SPAG16: variants seen among roughly 807,000 people sequenced by gnomAD.
SPAG16 encodes the protein sperm-associated antigen 16 protein.
A neutral mutation model predicts 80.4 loss-of-function variants in SPAG16; 86 were observed. The ratio of observed to expected loss-of-function variants is 1.07; its 90% CI spans 0.90 to 1.28. The LOEUF (loss-of-function observed/expected upper bound fraction) is 1.28, where lower values mean the gene tolerates loss of function less well. Ranked by LOEUF, SPAG16 falls within the 50% of genes most tolerant of loss-of-function variation. The pLI is 0.00. For synonymous variants in SPAG16, 294 were observed against 265.9 expected (o/e 1.11, Z -1.03); for missense variants, 870 against 765.3 (o/e 1.14, Z -1.61).
At chr2:214,201,801 T>C (rs2058016507) in intron 15 of SPAG16, among the ~76,000 whole-genome samples, 1 of 152,092 alleles carries the variant, frequency 6.6e-6, no homozygotes, top group South Asian at 2.1e-4. Flanking sequence ...ATGTCAAAAA[T>C]CACATTTCTT....
At chr2:214,330,277 C>CAAAA (rs575894776) in intron 15 of SPAG16, among the ~76,000 whole-genome samples, 4 of 105,208 alleles carry the variant, frequency 3.8e-5, no homozygotes, top group African/African-American at 1.3e-4. Flanking sequence ...AACTCTGTCT[C>CAAAA]AAAAAAAAAA....
intron 10 of SPAG16, among the ~76,000 whole-genome samples, chr2:213,834,743 G>A (rs544711144): frequency 4.6e-5 from 7 of 152,104 alleles, no homozygotes; most frequent in Admixed American, 2.0e-4. Flanking sequence ...ATCATGTACC[G>A]TACTTTGGGG....
chr2:213,420,385 T>C (rs1009166847), intron 9 of SPAG16, among the ~76,000 whole-genome samples: 1 of 152,206 alleles, frequency 6.6e-6, no homozygotes, highest in Non-Finnish European at 1.5e-5. Flanking sequence ...ATAGTACCTG[T>C]TTTTGAGATG....
intron 15 of SPAG16, among the ~76,000 whole-genome samples, chr2:214,320,736 A>C (rs1291407177): frequency 6.6e-6 from 1 of 152,134 alleles, no homozygotes; most frequent in African/African-American, 2.4e-5. Flanking sequence ...CATGGGGGAA[A>C]CTGCACCCAT....
chr2:214,108,410 A>G (rs2053489447), intron 14 of SPAG16, 149 bp downstream of exon 14: 1 of 564,098 alleles, frequency 1.8e-6, no homozygotes, highest in South Asian at 2.3e-5. Flanking sequence ...AAAAGTCTAT[A>G]GGTATATAGG....
chr2:213,377,053 G>C (rs2066914031), intron 9 of SPAG16, among the ~76,000 whole-genome samples: 1 of 152,038 alleles, frequency 6.6e-6, no homozygotes, highest in African/African-American at 2.4e-5. Context: ...TTTTCAAAAA[G>C]GGCCAATGGA....
intron 13 of SPAG16, among the ~76,000 whole-genome samples, 166 bp downstream of exon 13, chr2:214,014,243 C>T (rs1469715558): frequency 2.6e-5 from 4 of 152,112 alleles, no homozygotes; most frequent in Admixed American, 2.6e-4. Flanking sequence ...CACTTGTATC[C>T]ATTCTGCCTT....
chr2:214,215,920 C>A (rs1390225193), intron 15 of SPAG16, among the ~76,000 whole-genome samples: 1 of 152,168 alleles, frequency 6.6e-6, no homozygotes, highest in Non-Finnish European at 1.5e-5. Flanking sequence ...TCCAAGAAAA[C>A]ATGACTCTGT....
At chr2:213,997,357 A>C (rs1269767842) in intron 12 of SPAG16, among the ~76,000 whole-genome samples, 1 of 152,198 alleles carries the variant, frequency 6.6e-6, no homozygotes, top group Non-Finnish European at 1.5e-5. Context: ...TAAAACTTTT[A>C]TTCAGCTCAG....
At chr2:213,915,654 T>C (rs535244803) in intron 11 of SPAG16, among the ~76,000 whole-genome samples, 13 of 152,322 alleles carry the variant, frequency 8.5e-5, no homozygotes, top group African/African-American at 2.9e-4. Flanking sequence ...AGTAACGGGA[T>C]TGCTGAGTCA....
intron 15 of SPAG16, among the ~76,000 whole-genome samples, chr2:214,408,522 T>C (rs1702121324): frequency 6.6e-6 from 1 of 152,334 alleles, no homozygotes; most frequent in East Asian, 1.9e-4. Flanking sequence ...GTTATAAAGG[T>C]TTGCAAATAG....
chr2:213,520,341 C>T (rs1050575115), intron 10 of SPAG16, among the ~76,000 whole-genome samples: 2 of 151,992 alleles, frequency 1.3e-5, no homozygotes, highest in African/African-American at 4.8e-5. Flanking sequence ...AATCCCAGCA[C>T]TTTGGGAGGC....
At chr2:213,448,967 C>G (rs1035006492) in intron 9 of SPAG16, among the ~76,000 whole-genome samples, 3 of 152,116 alleles carry the variant, frequency 2.0e-5, no homozygotes, top group African/African-American at 7.2e-5. Context: ...CAAAAAGGGC[C>G]ATATTTTTCT....
chr2:213,820,824 A>G (rs1413267143), intron 10 of SPAG16, among the ~76,000 whole-genome samples: 1 of 152,118 alleles, frequency 6.6e-6, no homozygotes, highest in Non-Finnish European at 1.5e-5. Flanking sequence ...TAAAATTAGT[A>G]CTATCAACCT....
chr2:213,894,310 A>G (rs986610015), intron 11 of SPAG16, among the ~76,000 whole-genome samples: 2 of 152,190 alleles, frequency 1.3e-5, no homozygotes, highest in African/African-American at 2.4e-5. Context: ...ATAAATATGT[A>G]CATCATATTA....
At chr2:213,295,333 CT>C (rs2062454958) in intron 1 of SPAG16, among the ~76,000 whole-genome samples, 1 of 151,824 alleles carries the variant, frequency 6.6e-6, no homozygotes, top group African/African-American at 2.4e-5. Flanking sequence ...ATTAGAGTAA[CT>C]TATAGTTTTT....
chr2:214,064,994 A>T (rs1428162763), intron 13 of SPAG16, among the ~76,000 whole-genome samples: 1 of 151,918 alleles, frequency 6.6e-6, no homozygotes, highest in African/African-American at 2.4e-5. Context: ...AATAATAATA[A>T]CAGTAACTTG....
At chr2:214,347,099 A>G (rs1427797339) in intron 15 of SPAG16, among the ~76,000 whole-genome samples, 1 of 152,200 alleles carries the variant, frequency 6.6e-6, no homozygotes. Context: ...TGCTATTGGT[A>G]AAGGCTCAAA....
At chr2:213,334,302 G>A (rs1016390139) in intron 5 of SPAG16, among the ~76,000 whole-genome samples, 2 of 152,050 alleles carry the variant, frequency 1.3e-5, no homozygotes, top group East Asian at 1.9e-4. Context: ...CAAAAGACAG[G>A]TAATAATGCT....
Sources: gnomAD v4.1 joint callset for allele counts (sites outside exome capture counted in the v4.1 genomes callset) on GRCh38, gnomAD v4.1.1 for gene constraint, MANE v1.5 for transcripts, NCBI Gene and HGNC (gene_info 2026-07-23, HGNC 2026-07-21) for gene names.